Variants in KIAA0825 observed in about 807,000 individuals in gnomAD.
KIAA0825 encodes uncharacterized protein KIAA0825.
Under a neutral mutation model 147.6 loss-of-function variants are expected in KIAA0825, and 119 were observed. That is an observed-to-expected ratio of 0.81 (90% CI 0.69 to 0.94). The LOEUF (loss-of-function observed/expected upper bound fraction) is 0.94. Ranked by LOEUF, KIAA0825 falls within the 40% of genes least tolerant of loss-of-function variation. KIAA0825 has a pLI of 0.00. For missense variants in KIAA0825, 1,381 were observed against 1,472.7 expected, an observed-to-expected ratio of 0.94 and a Z score of 1.02; for synonymous variants, 470 against 518.1, an observed-to-expected ratio of 0.91 and a Z score of 1.26.
chr5:94,339,108 T>C (rs1413165232), intron 20 of KIAA0825, among the ~76,000 whole-genome samples: 2 of 152,180 alleles, frequency 1.3e-5, no homozygotes, highest in African/African-American at 4.8e-5. Context: ...GAACTTGTTT[T>C]ATACCGCTCT....
Position 94,150,858 on chromosome 5 carries a change from G to T in KIAA0825, c.*3149C>A. On this transcript the variant is annotated 3_prime_UTR_variant, in exon 21 of 21. Transcript: ENST00000682413. ...ACAAAAATATAAAATATCTGAAATAGACAATATTCTTTATAATTTATTTAA... is the reference window on the plus strand; with the variant it reads ...ACAAAAATATAAAATATCTGAAATATACAATATTCTTTATAATTTATTTAA... 6.6e-6 allele frequency among the ~76,000 whole-genome samples: 1 copy of T among 152,156 alleles called. No individual in the cohort carries two copies. Among genetic ancestry groups the T allele is most frequent in the Non-Finnish European group, 1.5e-5 (1 of 67,986 alleles).
At chr5:94,196,003 G>T (rs905746675) in intron 20 of KIAA0825, among the ~76,000 whole-genome samples, 3 of 152,180 alleles carry the variant, frequency 2.0e-5, no homozygotes, top group Admixed American at 6.5e-5. Context: ...CTGCAGGAGG[G>T]TTGCTTCCAG....
At chr5:94,445,719 CAT>C (rs1757644062) in intron 13 of KIAA0825, among the ~76,000 whole-genome samples, 3 of 152,270 alleles carry the variant, frequency 2.0e-5, no homozygotes, top group Admixed American at 2.0e-4. Flanking sequence ...ATAGAAAAGA[CAT>C]AAACCTTAAG....
intron 13 of KIAA0825, among the ~76,000 whole-genome samples, chr5:94,442,990 C>T (rs545433876): frequency 6.6e-6 from 1 of 152,124 alleles, no homozygotes; most frequent in South Asian, 2.1e-4. Context: ...TTCCTTAGCC[C>T]TTCAGTCATG....
At chr5:94,600,651 C>T (rs1786231909) in intron 1 of KIAA0825, among the ~76,000 whole-genome samples, 7 of 152,106 alleles carry the variant, frequency 4.6e-5, no homozygotes, top group Admixed American at 4.6e-4. Context: ...GATTCACTTA[C>T]CTCTCTGTGT....
intron 2 of KIAA0825, among the ~76,000 whole-genome samples, chr5:94,563,200 A>C (rs563094417): frequency 0.022 from 3,088 of 141,982 alleles, 88 homozygotes; most frequent in African/African-American, 0.065. Flanking sequence ...AAAAACAAAA[A>C]AAAAAAAATC....
intron 10 of KIAA0825, among the ~76,000 whole-genome samples, chr5:94,466,119 A>G (rs1161337487): frequency 1.3e-5 from 2 of 151,982 alleles, no homozygotes; most frequent in Admixed American, 1.3e-4. Flanking sequence ...TGTCAGGCAA[A>G]TGTCATGTAA....
At chr5:94,392,666 G>A (rs1468348867) in intron 17 of KIAA0825, among the ~76,000 whole-genome samples, 5 of 152,128 alleles carry the variant, frequency 3.3e-5, no homozygotes, top group African/African-American at 1.2e-4. Flanking sequence ...GCTGTATACT[G>A]CAGTTCATTA....
intron 20 of KIAA0825, among the ~76,000 whole-genome samples, chr5:94,278,001 CTAA>C (rs1777295464): frequency 1.3e-5 from 2 of 152,154 alleles, no homozygotes; most frequent in Admixed American, 1.3e-4. Context: ...CCTCAACAAA[CTAA>C]CACAGGAACA....
chr5:94,236,840 A>C (rs2150096191), intron 20 of KIAA0825, among the ~76,000 whole-genome samples: 1 of 152,360 alleles, frequency 6.6e-6, no homozygotes. Flanking sequence ...TTTTAAAGCA[A>C]TGAATTATTT....
chr5:94,201,854 T>C (rs1171544942), intron 20 of KIAA0825, among the ~76,000 whole-genome samples: 1 of 152,190 alleles, frequency 6.6e-6, no homozygotes, highest in African/African-American at 2.4e-5. Context: ...TCAGAATTTA[T>C]AGCTAAGGAG....
intron 20 of KIAA0825, among the ~76,000 whole-genome samples, chr5:94,349,106 T>C (rs1418729410): frequency 6.6e-6 from 1 of 152,046 alleles, no homozygotes; most frequent in Non-Finnish European, 1.5e-5. Flanking sequence ...AAAAAGGCAT[T>C]TCATGCAAAT....
intron 5 of KIAA0825, among the ~76,000 whole-genome samples, chr5:94,495,315 C>A (rs569037862): frequency 6.6e-6 from 1 of 152,288 alleles, no homozygotes; most frequent in South Asian, 2.1e-4. Context: ...GCCTTCCTCT[C>A]CTAAACAATA....
chr5:94,606,454 C>A (rs1787503563), intron 1 of KIAA0825, among the ~76,000 whole-genome samples: 1 of 152,126 alleles, frequency 6.6e-6, no homozygotes, highest in Non-Finnish European at 1.5e-5. Context: ...CCAAGGTAAT[C>A]CTAAACAGAA....
intron 20 of KIAA0825, among the ~76,000 whole-genome samples, chr5:94,253,622 A>G (rs1776092558): frequency 6.6e-6 from 1 of 152,068 alleles, no homozygotes; most frequent in South Asian, 2.1e-4. Context: ...TTTACATGCT[A>G]CTTTGTTAGC....
chr5:94,554,808 T>C (rs1423278265), intron 2 of KIAA0825, among the ~76,000 whole-genome samples: 1 of 146,304 alleles, frequency 6.8e-6, no homozygotes, highest in African/African-American at 2.5e-5. Flanking sequence ...TATTATAATC[T>C]TATTAAAGAT....
chr5:94,355,480 C>T lies in KIAA0825; in HGVS notation c.3710+28888G>A, dbSNP rs369677966. The stretch of plus-strand genomic sequence containing the variant: ...ACGATATATAGAGTTAAATAAAACC[C>T]ATCTGATGAGAATTTATGGTTTGCA... On this transcript the variant is annotated intron_variant, in intron 20 of 20. Transcript: ENST00000682413. Among the ~76,000 whole-genome samples, 9 of 152,180 alleles carry T rather than the reference C, an allele frequency of 5.9e-5. No homozygotes were observed. The East Asian group carries it at 1.4e-3, about 23-fold the overall frequency.
At position 94,151,040 on chromosome 5, in the gene KIAA0825, T is replaced by C. The variant is rs1766439203; in HGVS notation, c.*2967A>G. Among the ~76,000 whole-genome samples the C allele has an allele frequency of 6.6e-6, 1 of 152,200 alleles. No individual in the cohort carries two copies. Among genetic ancestry groups the C allele is most frequent in the South Asian group, 2.1e-4 (1 of 4,832 alleles). On this transcript the variant is annotated 3_prime_UTR_variant, in exon 21 of 21. Coordinates refer to ENST00000682413, the MANE Select transcript of KIAA0825 (RefSeq NM_001145678.3). ...TTTGTAATAAGCATATGGGGAGATA[T>C]AAACTGTTAGGCTTCATTCCTGTTG...
At chr5:94,570,737 T>TC (rs1254944716) in intron 2 of KIAA0825, 1 of 152,216 alleles carries the variant, frequency 6.6e-6, no homozygotes, top group South Asian at 2.1e-4. Context: ...AAGACTTCCT[T>TC]CCAAGGACAA....
Sources: allele counts gnomAD v4.1 joint callset (sites outside exome capture counted in the v4.1 genomes callset), GRCh38; gene constraint gnomAD v4.1.1; transcripts MANE v1.5; gene names NCBI Gene and HGNC (gene_info 2026-07-23, HGNC 2026-07-21).